Variants in VAV1 observed in about 807,000 individuals in gnomAD.
VAV1 encodes proto-oncogene vav.
VAV1 carries 33 observed loss-of-function variants against 128.1 expected under a neutral mutation model. The observed-to-expected ratio is 0.26, with a 90% confidence interval of 0.20 to 0.34. The LOEUF is 0.34. Ranked by LOEUF, VAV1 falls within the 10% of genes least tolerant of loss-of-function variation. The pLI, the probability that VAV1 is intolerant of heterozygous loss-of-function variation, is 1.00. For synonymous variants in VAV1, 394 were observed against 409.8 expected (o/e 0.96, Z 0.47); for missense variants, 715 against 1,093.7 (o/e 0.65, Z 4.88).
At chr19:6,807,940 A>T (rs1024896301) in intron 1 of VAV1, among the ~76,000 whole-genome samples, 10 of 142,934 alleles carry the variant, frequency 7.0e-5, no homozygotes, top group African/African-American at 2.4e-4. Context: ...CAGTGAGTCG[A>T]GATTCTGCCA....
Position 6,833,508 on chromosome 19 carries a change from A to G in VAV1, c.1611-20A>G, listed in dbSNP as rs1008023092. The G allele has an allele frequency of 1.3e-6, 2 of 1,579,218 alleles. No individual in the cohort carries two copies. The highest frequency in any genetic ancestry group is 1.4e-5 in the African/African-American group (1 of 73,664). ...CTGTAAAGGTCACTCGCTCTTCTTT[A>G]TGTGTTCCCTGCATCTCAGAGGTAC... On this transcript the variant is annotated intron_variant, in intron 16 of 26. Coordinates refer to ENST00000602142, the MANE Select transcript of VAV1 (RefSeq NM_005428.4).
chr19:6,829,985 G>T, intron 14 of VAV1, 67 bp downstream of exon 14: 1 of 1,604,324 alleles, frequency 6.2e-7, no homozygotes, highest in Non-Finnish European at 8.5e-7. Context: ...CTCCACTTGG[G>T]CATGTGCCTG....
At chr19:6,816,980 T>C (rs1325120541) in intron 1 of VAV1, among the ~76,000 whole-genome samples, 2 of 151,396 alleles carry the variant, frequency 1.3e-5, no homozygotes, top group African/African-American at 4.8e-5. Flanking sequence ...GTATAAACAC[T>C]GACAGTGTGG....
chr19:6,785,653 C>CTT (rs990557032), intron 1 of VAV1, among the ~76,000 whole-genome samples: 1 of 130,156 alleles, frequency 7.7e-6, no homozygotes, highest in Non-Finnish European at 1.6e-5. Context: ...TTCTTTCTTT[C>CTT]TTTCTTTCTT....
At chr19:6,773,106 G>A in intron 1 of VAV1, 95 bp downstream of exon 1, 1 of 1,491,204 alleles carries the variant, frequency 6.7e-7, no homozygotes, top group Non-Finnish European at 9.3e-7. Flanking sequence ...CCACCTCTGG[G>A]CCTGCAAAGG....
In VAV1 at chr19:6,777,108, T is replaced by TCATCCATC. The variant is rs371563464; in HGVS notation, c.204+4116_204+4123dup. On this transcript the variant is annotated intron_variant, in intron 1 of 26. Transcript: ENST00000602142. This position sits in a 1 kb window ranked among gnomAD's most constrained non-coding sequence, Gnocchi z 4.4. ...CCCACCCACCCATCCATCCATCTAC[T>TCATCCATC]CATCCATCCATCCATCCATCCATCC... 1.4e-3 allele frequency among the ~76,000 whole-genome samples: 208 copies of TCATCCATC among 150,428 alleles called. No homozygotes were observed. Among genetic ancestry groups the TCATCCATC allele is most frequent in the African/African-American group, 5.0e-3 (203 of 40,944 alleles).
intron 1 of VAV1, among the ~76,000 whole-genome samples, chr19:6,797,163 C>G (rs188226625): frequency 6.7e-6 from 1 of 148,256 alleles, no homozygotes; most frequent in Non-Finnish European, 1.5e-5. Context: ...ACTCAAGAGG[C>G]GGAGATTGCT....
intron 26 of VAV1, among the ~76,000 whole-genome samples, chr19:6,856,536 A>G (rs1262885902): frequency 1.4e-4 from 21 of 151,918 alleles, no homozygotes; most frequent in Admixed American, 1.3e-3. Flanking sequence ...AGCCCGGCCA[A>G]CATGGTGAAA....
chr19:6,845,701 T>C (rs1568316879), intron 22 of VAV1, among the ~76,000 whole-genome samples: 2 of 149,328 alleles, frequency 1.3e-5, no homozygotes, highest in African/African-American at 4.9e-5. Context: ...TTTATGTTTA[T>C]ATTATATTAT....
rs982632903 is a variant in VAV1 at position 6,822,122 on chromosome 19, C to T, written c.450-99C>T. 1 of 1,255,578 alleles carries T rather than the reference C, an allele frequency of 8.0e-7. No individual in the cohort carries two copies. Among genetic ancestry groups the T allele is most frequent in the Non-Finnish European group, 1.1e-6 (1 of 889,362 alleles). The allele number at this position is 1,255,578 out of a possible 1,614,324, so 77.8% of individuals were successfully genotyped here. A position where few individuals can be genotyped will look rare whatever the true frequency, so the allele number is the denominator to read the frequency against. ...TGCCCTTGGAGTCTGAGGTCCCACC[C>T]TTGGAGTCTTGGGGGGACAAAGCCC... On this transcript the variant is annotated intron_variant, in intron 4 of 26. Transcript: ENST00000602142. The surrounding 1 kb of genome is among the most constrained non-coding windows in gnomAD (Gnocchi z 5.9).
At chr19:6,794,668 A>T (rs769309510) in intron 1 of VAV1, among the ~76,000 whole-genome samples, 16 of 152,166 alleles carry the variant, frequency 1.1e-4, no homozygotes, top group Non-Finnish European at 1.9e-4. Context: ...GGTACTTTAT[A>T]CTTATTAACA....
rs1169076080 is a variant in VAV1, at chr19:6,814,637, C to CTCCTTCCTTCCTTCCTTCCT, written c.205-6047_205-6028dup. ...TTCTTTCTTTCTTTCTTTTCTTTCT[C>CTCCTTCCTTCCTTCCTTCCT]TCCTTCCTTCCTTCCTTCCTTCCTT... On this transcript the variant is annotated intron_variant, in intron 1 of 26. Transcript: ENST00000602142. 1.3e-3 allele frequency among the ~76,000 whole-genome samples: 104 copies of CTCCTTCCTTCCTTCCTTCCT among 82,032 alleles called. 5 individuals carry two copies. Among genetic ancestry groups the CTCCTTCCTTCCTTCCTTCCT allele is most frequent in the African/African-American group, 2.4e-3 (37 of 15,392 alleles). 53.8% of individuals were successfully genotyped at this position (82,032 alleles called of 152,430 possible). A position where few individuals can be genotyped will look rare whatever the true frequency, so the allele number is the denominator to read the frequency against.
At chr19:6,821,770 C>A (rs373976688) in intron 3 of VAV1, 21 bp from the exon 4 acceptor site, 5 of 1,613,954 alleles carry the variant, frequency 3.1e-6, no homozygotes, top group African/African-American at 1.3e-5. Context: ...GCCCCTGGCT[C>A]ACACCCTCCT....
chr19:6,843,979 C>T (rs1365932264), intron 22 of VAV1, among the ~76,000 whole-genome samples: 1 of 147,944 alleles, frequency 6.8e-6, no homozygotes, highest in African/African-American at 2.5e-5. Flanking sequence ...TAATGAGCTC[C>T]TTTAATCTTC....
At chr19:6,816,350 G>A (rs1177139804) in intron 1 of VAV1, 1 of 152,004 alleles carries the variant, frequency 6.6e-6, no homozygotes, top group Admixed American at 6.6e-5. Context: ...AGCTGGATGT[G>A]GTGGCACACA....
In VAV1 at chr19:6,801,178, C is replaced by G. The variant is rs960222079; in HGVS notation, c.205-19524C>G. 5.3e-5 allele frequency among the ~76,000 whole-genome samples: 8 copies of G among 152,212 alleles called. 1 individual carries two copies. The highest frequency in any genetic ancestry group is 1.9e-4 in the African/African-American group (8 of 41,446). On this transcript the variant is annotated intron_variant, in intron 1 of 26. Transcript: ENST00000602142. The stretch of plus-strand genomic sequence containing the variant: ...CCATTAGGTTCTGGTGCTTGGCATA[C>G]AGTAGGCATTCCACACATGCTTGCT...
chr19:6,821,976 C>T, intron 4 of VAV1, 117 bp downstream of exon 4: 1 of 1,400,044 alleles, frequency 7.1e-7, no homozygotes, highest in Non-Finnish European at 1.0e-6. Context: ...GTGTCTGGGG[C>T]ACACAACCTT....
At position 6,836,579 on chromosome 19, in the gene VAV1, G is replaced by A; in HGVS notation, c.1914+11G>A. 6.2e-7 allele frequency: 1 copy of A among 1,613,730 alleles called. No individual in the cohort carries two copies. The highest frequency in any genetic ancestry group is 8.5e-7 in the Non-Finnish European group (1 of 1,179,802). On this transcript the variant is annotated intron_variant, in intron 20 of 26. Transcript: ENST00000602142. Reference sequence around the variant, plus strand: ...CAGAACTGGTGGGAGGTACAGGCTGGGGCCACAAGAGTGATGGGGTGGGAC... The same window carrying A: ...CAGAACTGGTGGGAGGTACAGGCTGAGGCCACAAGAGTGATGGGGTGGGAC...
intron 1 of VAV1, among the ~76,000 whole-genome samples, chr19:6,776,348 T>TC (rs1970633396): frequency 2.1e-5 from 1 of 48,666 alleles, no homozygotes; most frequent in Non-Finnish European, 3.9e-5. Context: ...ATCCATCCAC[T>TC]CATCTATCCA....
Sources: allele counts gnomAD v4.1 joint callset (sites outside exome capture counted in the v4.1 genomes callset), GRCh38; gene constraint gnomAD v4.1.1; non-coding constraint Gnocchi (gnomAD v3.1); transcripts MANE v1.5; gene names NCBI Gene and HGNC (gene_info 2026-07-23, HGNC 2026-07-21).